The following RPS6KA2 variants were observed in gnomAD, a reference collection of about 807,000 sequenced individuals.
RPS6KA2 encodes ribosomal protein S6 kinase alpha-2.
RPS6KA2 carries 42 observed loss-of-function variants against 91.8 expected under a neutral mutation model. The ratio of observed to expected loss-of-function variants is 0.46; its 90% CI spans 0.36 to 0.59. The LOEUF (loss-of-function observed/expected upper bound fraction) is 0.59. RPS6KA2 is among the 20% of genes least tolerant of loss of function. The pLI is 0.00. For missense variants in RPS6KA2, 798 were observed against 978.5 expected (o/e 0.82, Z 2.46); for synonymous variants, 414 against 393.6 (o/e 1.05, Z -0.61).
intron 2 of RPS6KA2, among the ~76,000 whole-genome samples, chr6:166,853,411 G>A (rs1780798657): frequency 6.6e-6 from 1 of 152,216 alleles, no homozygotes; most frequent in African/African-American, 2.4e-5. Context: ...ACAGCACAGA[G>A]ACCCGGGAGC....
chr6:166,774,687 T>A (rs1778567022), intron 2 of RPS6KA2, among the ~76,000 whole-genome samples: 1 of 151,910 alleles, frequency 6.6e-6, no homozygotes, highest in Non-Finnish European at 1.5e-5. Context: ...TACACAGGGG[T>A]GGTGGGAGAA....
chr6:166,462,891 T>A (rs1780372951), intron 11 of RPS6KA2: 1 of 152,362 alleles, frequency 6.6e-6, no homozygotes, highest in Non-Finnish European at 1.5e-5. Flanking sequence ...GCGGGAGCCT[T>A]CAGGCAACTG....
chr6:166,789,299 C>G (rs1045033023), intron 2 of RPS6KA2, among the ~76,000 whole-genome samples: 1 of 152,190 alleles, frequency 6.6e-6, no homozygotes. Context: ...AAGGCTGCAT[C>G]GAGGCTGGGG....
chr6:166,513,386 A>G (rs1342480441), intron 3 of RPS6KA2, among the ~76,000 whole-genome samples: 1 of 152,240 alleles, frequency 6.6e-6, no homozygotes, highest in Non-Finnish European at 1.5e-5. Flanking sequence ...ACTTCTGCCC[A>G]AGGGGACACA....
At chr6:166,591,345 G>A (rs1402294887) in intron 1 of RPS6KA2, among the ~76,000 whole-genome samples, 1 of 152,198 alleles carries the variant, frequency 6.6e-6, no homozygotes, top group Non-Finnish European at 1.5e-5. Context: ...CCGTCCAAAT[G>A]GCGCTCGGCA....
intron 10 of RPS6KA2, among the ~76,000 whole-genome samples, chr6:166,482,028 G>C (rs914106301): frequency 1.4e-4 from 21 of 151,028 alleles, no homozygotes; most frequent in Non-Finnish European, 2.8e-4. Flanking sequence ...CTGCAGCTTG[G>C]AGAGCTCTGC....
Position 166,495,765 on chromosome 6 carries a change from G to C in RPS6KA2, c.747+2743C>G, listed in dbSNP as rs1781764228. ...ATAAAAGATGGCAGACGTTAGAGCA[G>C]TGGCAAGCCAGGAGTGCTGAGAAGA... On this transcript the variant is annotated intron_variant, in intron 8 of 20. Coordinates refer to ENST00000265678, the MANE Select transcript of RPS6KA2 (RefSeq NM_021135.6). The surrounding 1 kb of genome is among the most constrained non-coding windows in gnomAD (Gnocchi z 4.4). 1.3e-5 allele frequency among the ~76,000 whole-genome samples: 2 copies of C among 152,230 alleles called. No individual in the cohort carries two copies. The highest frequency in any genetic ancestry group is 1.9e-4 in the East Asian group (1 of 5,194).
intron 2 of RPS6KA2, among the ~76,000 whole-genome samples, chr6:166,796,204 T>G (rs1779218291): frequency 6.6e-6 from 1 of 151,998 alleles, no homozygotes; most frequent in African/African-American, 2.4e-5. Context: ...TCTGAGGGAG[T>G]TGTAGAGCCC....
chr6:166,439,401 C>T (rs886410408), intron 14 of RPS6KA2, among the ~76,000 whole-genome samples: 8 of 152,226 alleles, frequency 5.3e-5, no homozygotes, highest in African/African-American at 1.9e-4. Flanking sequence ...AGCCACCGTG[C>T]CCGGCCATAT....
Position 166,801,109 on chromosome 6 carries a change from C to A in RPS6KA2, c.123+57091G>T, listed in dbSNP as rs1037883189. Among the ~76,000 whole-genome samples, 4 of 152,276 alleles carry A rather than the reference C, an allele frequency of 2.6e-5. No homozygotes were observed. In the East Asian group the frequency reaches 7.7e-4, roughly 29 times the overall value. Reference sequence around the variant, plus strand: ...TGCACTTTTGTAAATGGTTTTGCTGCAAGTGCAGTGAGGAGTTTTGTGGTG... The same window carrying A: ...TGCACTTTTGTAAATGGTTTTGCTGAAAGTGCAGTGAGGAGTTTTGTGGTG... On this transcript the variant is annotated intron_variant, in intron 2 of 21. Transcript: ENST00000503859.
intron 2 of RPS6KA2, among the ~76,000 whole-genome samples, chr6:166,816,391 CAA>C (rs61347721): frequency 3.7e-4 from 44 of 120,058 alleles, no homozygotes; most frequent in Non-Finnish European, 6.5e-4. Context: ...ACTAAAAATA[CAA>C]AAAAAAAAAA....
At chr6:166,837,553 C>G (rs534399448) in intron 2 of RPS6KA2, among the ~76,000 whole-genome samples, 11 of 152,240 alleles carry the variant, frequency 7.2e-5, no homozygotes, top group Non-Finnish European at 1.3e-4. Flanking sequence ...GTCCCCTCCC[C>G]CTGCGAGAAG....
At chr6:166,753,817 T>C (rs1052988501) in intron 2 of RPS6KA2, among the ~76,000 whole-genome samples, 1 of 152,200 alleles carries the variant, frequency 6.6e-6, no homozygotes, top group Non-Finnish European at 1.5e-5. Context: ...CTATCACGGT[T>C]AATAATGAAG....
intron 14 of RPS6KA2, among the ~76,000 whole-genome samples, chr6:166,443,906 T>C (rs1279947020): frequency 6.6e-6 from 1 of 152,172 alleles, no homozygotes; most frequent in Non-Finnish European, 1.5e-5. Context: ...TTTCTTCAAA[T>C]TGTAACAAAT....
intron 2 of RPS6KA2, among the ~76,000 whole-genome samples, chr6:166,759,079 G>A (rs1778099240): frequency 9.1e-6 from 1 of 110,326 alleles, no homozygotes; most frequent in Admixed American, 1.0e-4. Context: ...GTGTGTGTGT[G>A]TGTGCACATG....
Position 166,495,948 on chromosome 6 carries a change from C to T in RPS6KA2, c.747+2560G>A, listed in dbSNP as rs1332229425. Among the ~76,000 whole-genome samples, 1 of 152,252 alleles carries T rather than the reference C, an allele frequency of 6.6e-6. No homozygotes were observed. Among genetic ancestry groups the T allele is most frequent in the Non-Finnish European group, 1.5e-5 (1 of 68,046 alleles). On this transcript the variant is annotated intron_variant, in intron 8 of 20. Transcript: ENST00000265678. The surrounding 1 kb of genome is among the most constrained non-coding windows in gnomAD (Gnocchi z 4.4). The stretch of plus-strand genomic sequence containing the variant: ...CGACGTGGTCTCATTTCCTCTTCTT[C>T]TGGCCCCTCGTCGTGTCTCCATCTT...
intron 2 of RPS6KA2, among the ~76,000 whole-genome samples, chr6:166,694,298 C>T (rs938866398): frequency 2.6e-5 from 4 of 152,220 alleles, no homozygotes; most frequent in South Asian, 2.1e-4. Context: ...GGGAGTTGGA[C>T]GGCCTGGCTG....
chr6:166,752,403 A>G (rs1777877780), intron 2 of RPS6KA2, among the ~76,000 whole-genome samples: 1 of 152,226 alleles, frequency 6.6e-6, no homozygotes, highest in Admixed American at 6.5e-5. Context: ...GAGGCAATTT[A>G]GAATGAATGG....
At chr6:166,833,970 G>A (rs1780252085) in intron 2 of RPS6KA2, among the ~76,000 whole-genome samples, 1 of 151,888 alleles carries the variant, frequency 6.6e-6, no homozygotes, top group South Asian at 2.1e-4. Context: ...CTGGCCTCAA[G>A]TGATCCTCCC....
Sources: allele counts gnomAD v4.1 joint callset (sites outside exome capture counted in the v4.1 genomes callset), GRCh38; gene constraint gnomAD v4.1.1; non-coding constraint Gnocchi (gnomAD v3.1); transcripts MANE v1.5; gene names NCBI Gene and HGNC (gene_info 2026-07-23, HGNC 2026-07-21).